The following ENTREP2 variants were observed in gnomAD, a reference collection of about 807,000 sequenced individuals.
ENTREP2 encodes the protein protein ENTREP2.
the ENTREP2 span, among the ~76,000 whole-genome samples, chr15:29,478,330 C>T: frequency 6.6e-6 from 1 of 152,004 alleles, no homozygotes; most frequent in Non-Finnish European, 1.5e-5. Context: ...TCCAGCCTAA[C>T]AATATATTTT....
the ENTREP2 span, among the ~76,000 whole-genome samples, chr15:29,567,688 G>T: frequency 7.2e-5 from 11 of 152,138 alleles, no homozygotes; most frequent in African/African-American, 2.7e-4. Context: ...CTGAGCACCA[G>T]CAGGCAGAGG....
At chr15:29,233,674 C>CT in the ENTREP2 span, 2 of 1,025,398 alleles carry the variant, frequency 2.0e-6, no homozygotes, top group Non-Finnish European at 3.1e-6. Flanking sequence ...GATGGATGGG[C>CT]ATAGCGCATC....
the ENTREP2 span, among the ~76,000 whole-genome samples, chr15:29,168,239 G>T: frequency 1.3e-5 from 2 of 152,176 alleles, no homozygotes; most frequent in Non-Finnish European, 2.9e-5. Context: ...TACTGCTCGG[G>T]TGTTGAGTGC....
At chr15:29,259,895 G>A in the ENTREP2 span, among the ~76,000 whole-genome samples, 1 of 152,000 alleles carries the variant, frequency 6.6e-6, no homozygotes, top group Non-Finnish European at 1.5e-5. Flanking sequence ...ACAAATTGAA[G>A]TTGAGTTCAG....
At chr15:29,508,432 C>A in the ENTREP2 span, among the ~76,000 whole-genome samples, 10 of 152,136 alleles carry the variant, frequency 6.6e-5, no homozygotes, top group Non-Finnish European at 1.5e-4. Context: ...CAAAACCTGG[C>A]AGAGACACAA....
At chr15:29,409,615 G>T in the ENTREP2 span, among the ~76,000 whole-genome samples, 1 of 141,516 alleles carries the variant, frequency 7.1e-6, no homozygotes, top group South Asian at 2.2e-4. Flanking sequence ...ATGAGCCACC[G>T]TGCCCGGCCT....
chr15:29,182,510 C>G, the ENTREP2 span, among the ~76,000 whole-genome samples: 5 of 151,912 alleles, frequency 3.3e-5, no homozygotes. Flanking sequence ...GTAAGTTGAT[C>G]GAGACTGTAT....
chr15:29,159,358 C>G, the ENTREP2 span, among the ~76,000 whole-genome samples: 37 of 152,286 alleles, frequency 2.4e-4, no homozygotes, highest in East Asian at 6.0e-3. Context: ...CTCATAAAGG[C>G]AAGGTGGACC....
chr15:29,259,811 C>CATATATATATATATATATATATAT, the ENTREP2 span, among the ~76,000 whole-genome samples: 590 of 149,232 alleles, frequency 4.0e-3, 6 homozygotes, highest in African/African-American at 0.014. Flanking sequence ...ATCCCATTTA[C>CATATATATATATATATATATATAT]ATATATATAT....
At chr15:29,164,279 A>C in the ENTREP2 span, among the ~76,000 whole-genome samples, 5 of 152,190 alleles carry the variant, frequency 3.3e-5, no homozygotes, top group Non-Finnish European at 7.4e-5. Flanking sequence ...AACAAAAAAC[A>C]AAAAACCAAA....
chr15:29,489,289 G>A, the ENTREP2 span, among the ~76,000 whole-genome samples: 2 of 152,152 alleles, frequency 1.3e-5, no homozygotes, highest in South Asian at 2.1e-4. Context: ...ACTGATTTAA[G>A]ATAATATGCT....
At chr15:29,377,507 G>A in the ENTREP2 span, among the ~76,000 whole-genome samples, 4 of 152,074 alleles carry the variant, frequency 2.6e-5, no homozygotes, top group Non-Finnish European at 4.4e-5. Flanking sequence ...GCAGAGAGAA[G>A]ACAGGGGCAG....
chr15:29,220,151 G>A, the ENTREP2 span, among the ~76,000 whole-genome samples: 1 of 152,232 alleles, frequency 6.6e-6, no homozygotes, highest in African/African-American at 2.4e-5. Flanking sequence ...ATTTGAGGCT[G>A]TGGGCTGGGG....
At chr15:29,511,267 T>G in the ENTREP2 span, among the ~76,000 whole-genome samples, 1 of 152,186 alleles carries the variant, frequency 6.6e-6, no homozygotes, top group Admixed American at 6.5e-5. Context: ...AGGGCTCATT[T>G]TTACATAAGA....
the ENTREP2 span, among the ~76,000 whole-genome samples, chr15:29,378,477 G>C: frequency 3.3e-5 from 5 of 152,212 alleles, no homozygotes; most frequent in African/African-American, 1.2e-4. Context: ...TTTTGTAGAT[G>C]AGATTAAGTT....
the ENTREP2 span, among the ~76,000 whole-genome samples, chr15:29,127,597 CCTCTA>C: frequency 6.6e-6 from 1 of 152,130 alleles, no homozygotes; most frequent in Non-Finnish European, 1.5e-5. Context: ...CCAAGGTGGT[CCTCTA>C]CTCAGGAGAG....
At chr15:29,291,704 T>A in the ENTREP2 span, among the ~76,000 whole-genome samples, 1 of 152,246 alleles carries the variant, frequency 6.6e-6, no homozygotes, top group Non-Finnish European at 1.5e-5. Context: ...CTTTGTGAGT[T>A]TGAATCTTTT....
chr15:29,496,695 T>C, the ENTREP2 span, among the ~76,000 whole-genome samples: 1 of 152,230 alleles, frequency 6.6e-6, no homozygotes, highest in Non-Finnish European at 1.5e-5. Context: ...TCCTTCATTC[T>C]TTCTGTTAAT....
the ENTREP2 span, chr15:29,128,851 C>G: frequency 1.0e-5 from 16 of 1,550,220 alleles, no homozygotes; most frequent in African/African-American, 1.4e-5. Flanking sequence ...CACCTGCTGA[C>G]CTATACTTGT....
Sources: gnomAD v4.1 joint callset for allele counts (sites outside exome capture counted in the v4.1 genomes callset) on GRCh38, gnomAD v4.1.1 for gene constraint, MANE v1.5 for transcripts, NCBI Gene and HGNC (gene_info 2026-07-23, HGNC 2026-07-21) for gene names.